Variants in ZFPM2 observed in about 807,000 individuals in gnomAD.
ZFPM2 encodes the protein zinc finger protein, FOG family member 2.
In ZFPM2, 20 loss-of-function variants were observed where a neutral mutation model predicts 98.6. The ratio of observed to expected loss-of-function variants is 0.20; its 90% CI spans 0.14 to 0.29. The LOEUF (loss-of-function observed/expected upper bound fraction) is 0.29, where lower values mean the gene tolerates loss of function less well. ZFPM2 is among the 10% of genes least tolerant of loss of function. ZFPM2 has a pLI of 1.00. For missense variants in ZFPM2, 1,310 were observed against 1,388.6 expected (o/e 0.94, Z 0.90); for synonymous variants, 518 against 502.7 (o/e 1.03, Z -0.41).
At chr8:105,450,087 A>G (rs1310860470) in intron 3 of ZFPM2, among the ~76,000 whole-genome samples, 2 of 152,140 alleles carry the variant, frequency 1.3e-5, no homozygotes, top group African/African-American at 2.4e-5. Context: ...AGACCTGTCT[A>G]CTTGTTGCAT....
intron 1 of ZFPM2, among the ~76,000 whole-genome samples, chr8:105,368,779 G>A (rs1482437012): frequency 6.6e-6 from 1 of 152,068 alleles, no homozygotes; most frequent in Non-Finnish European, 1.5e-5. Flanking sequence ...AGAGGAGTAG[G>A]GGTTGTTGTG....
At chr8:105,773,464 T>G (rs1056494280) in intron 5 of ZFPM2, among the ~76,000 whole-genome samples, 1 of 151,994 alleles carries the variant, frequency 6.6e-6, no homozygotes, top group African/African-American at 2.4e-5. Context: ...ACCTAAATCA[T>G]GATATGAAAA....
intron 5 of ZFPM2, among the ~76,000 whole-genome samples, chr8:105,744,690 T>G (rs1168855336): frequency 6.6e-6 from 1 of 151,132 alleles, no homozygotes; most frequent in Non-Finnish European, 1.5e-5. Context: ...TCAGCTCTAT[T>G]TGAAGGATAA....
At chr8:105,397,414 G>C (rs1268118774) in intron 1 of ZFPM2, among the ~76,000 whole-genome samples, 1 of 152,032 alleles carries the variant, frequency 6.6e-6, no homozygotes, top group Non-Finnish European at 1.5e-5. Context: ...TTACAGCAAA[G>C]TAGTTTTGCT....
rs371740091 is a variant in ZFPM2 at position 105,802,678 on chromosome 8, G to A, written c.2596G>A (p.Val866Ile). Residue 866 changes from valine to isoleucine, a missense_variant, in exon 8 of 8, where the codon GTA (valine) becomes ATA (isoleucine). By Grantham distance (29) the Val-to-Ile change is conservative (BLOSUM62 3). Transcript: ENST00000407775. ...CTVCKISFNK[V>I]ENYLAHKQNF... Reference sequence around the variant, plus strand: ...TGTGTGCAAGATCAGTTTCAATAAGGTAGAAAACTATCTGGCCCACAAGCA... The same window carrying A: ...TGTGTGCAAGATCAGTTTCAATAAGATAGAAAACTATCTGGCCCACAAGCA... The A allele has an allele frequency of 6.2e-7, 1 of 1,610,956 alleles. No homozygotes were observed. Among genetic ancestry groups the A allele is most frequent in the Non-Finnish European group, 8.5e-7 (1 of 1,178,620 alleles).
At chr8:105,502,859 T>C (rs1813625026) in intron 3 of ZFPM2, among the ~76,000 whole-genome samples, 1 of 152,198 alleles carries the variant, frequency 6.6e-6, no homozygotes, top group Non-Finnish European at 1.5e-5. Context: ...TACTCCACGG[T>C]TGATTATCAG....
chr8:105,729,339 T>G (rs1340656990), intron 5 of ZFPM2, among the ~76,000 whole-genome samples: 5 of 151,668 alleles, frequency 3.3e-5, no homozygotes, highest in Admixed American at 3.3e-4. Flanking sequence ...CTCAGGTTTT[T>G]AAATTTTCAT....
At position 105,577,356 on chromosome 8, in the gene ZFPM2, ATAGAG is replaced by A. The variant is rs574879082; in HGVS notation, c.420+15878_420+15882del. ...CACATACATGCACATGCATGCTCAT[ATAGAG>A]TAAACAGTTGATTTTTAAGCCAACA... On this transcript the variant is annotated intron_variant, in intron 4 of 7. Coordinates refer to ENST00000407775, the MANE Select transcript of ZFPM2 (RefSeq NM_012082.4). Among the ~76,000 whole-genome samples, 293 of 152,270 alleles carry A rather than the reference ATAGAG, an allele frequency of 1.9e-3. 3 individuals are homozygous for A. Among genetic ancestry groups the A allele is most frequent in the African/African-American group, 6.8e-3 (283 of 41,590 alleles).
At chr8:105,491,423 G>A (rs150052362) in intron 3 of ZFPM2, among the ~76,000 whole-genome samples, 89 of 152,170 alleles carry the variant, frequency 5.8e-4, no homozygotes, top group African/African-American at 1.8e-3. Context: ...CAAACAAGCC[G>A]GCATTAATTA....
chr8:105,478,418 G>C (rs564731442), intron 3 of ZFPM2, among the ~76,000 whole-genome samples: 1 of 152,294 alleles, frequency 6.6e-6, no homozygotes, highest in African/African-American at 2.4e-5. Context: ...TGTGTCAAAA[G>C]AAGTGATTGT....
chr8:105,462,176 G>A (rs1312064263), intron 3 of ZFPM2, among the ~76,000 whole-genome samples: 1 of 151,976 alleles, frequency 6.6e-6, no homozygotes, highest in East Asian at 1.9e-4. Context: ...TCATGTATGT[G>A]TCTTCATCCT....
intron 6 of ZFPM2, among the ~76,000 whole-genome samples, chr8:105,791,179 G>A (rs1473784107): frequency 6.6e-6 from 1 of 152,144 alleles, no homozygotes; most frequent in Admixed American, 6.5e-5. Flanking sequence ...AGTTTTCAAA[G>A]GGAATGCTTC....
intron 4 of ZFPM2, among the ~76,000 whole-genome samples, chr8:105,583,806 C>A (rs1815653939): frequency 6.6e-6 from 1 of 152,148 alleles, no homozygotes; most frequent in Non-Finnish European, 1.5e-5. Flanking sequence ...GTATTCCACT[C>A]CAGTCAGGTT....
intron 1 of ZFPM2, among the ~76,000 whole-genome samples, chr8:105,338,911 TG>T (rs750015474): frequency 4.6e-5 from 7 of 151,954 alleles, no homozygotes; most frequent in Non-Finnish European, 8.8e-5. Flanking sequence ...ATTGTTCCCC[TG>T]GGTGCTTCCT....
intron 3 of ZFPM2, among the ~76,000 whole-genome samples, chr8:105,537,279 C>G (rs1814472624): frequency 6.6e-6 from 1 of 152,068 alleles, no homozygotes; most frequent in Non-Finnish European, 1.5e-5. Context: ...CTAAACCAGA[C>G]TACCAAGACA....
chr8:105,574,141 C>G (rs1815413549), intron 4 of ZFPM2, among the ~76,000 whole-genome samples: 1 of 152,164 alleles, frequency 6.6e-6, no homozygotes, highest in African/African-American at 2.4e-5. Context: ...CTTTAAAAAG[C>G]AGGTTTTGTT....
At chr8:105,501,640 A>G (rs1358023921) in intron 3 of ZFPM2, among the ~76,000 whole-genome samples, 1 of 151,336 alleles carries the variant, frequency 6.6e-6, no homozygotes, top group Non-Finnish European at 1.5e-5. Context: ...AGTAGCTGGG[A>G]CTACAGGCAT....
intron 5 of ZFPM2, among the ~76,000 whole-genome samples, chr8:105,741,520 C>T (rs1480583839): frequency 1.3e-5 from 2 of 151,996 alleles, no homozygotes; most frequent in South Asian, 4.1e-4. Flanking sequence ...CCCAGGTGAG[C>T]GGAGCAAAGT....
In ZFPM2 at chr8:105,658,317, G is replaced by A. The variant is rs543947556; in HGVS notation, c.532+23960G>A. ...GAAATCAAAGCAGACGGCCGGGCGC[G>A]GTGGCTCACGCCTGTAATCCCAGCA... is the stretch of plus-strand genomic sequence containing the variant. On this transcript the variant is annotated intron_variant, in intron 5 of 7. Coordinates refer to ENST00000407775, the MANE Select transcript of ZFPM2 (RefSeq NM_012082.4). Among the ~76,000 whole-genome samples the A allele has an allele frequency of 2.6e-5, 3 of 114,046 alleles. 1 individual carries two copies. The East Asian group carries it at 7.8e-4, about 30-fold the overall frequency. The allele number at this position is 114,046 out of a possible 152,430, so 74.8% of individuals were successfully genotyped here. A position where few individuals can be genotyped will look rare whatever the true frequency, so the allele number is the denominator to read the frequency against.
Sources: gnomAD v4.1 joint callset for allele counts (sites outside exome capture counted in the v4.1 genomes callset) on GRCh38, gnomAD v4.1.1 for gene constraint, MANE v1.5 for transcripts, NCBI Gene and HGNC (gene_info 2026-07-23, HGNC 2026-07-21) for gene names.